The following CALD1 variants were observed in gnomAD, a reference collection of about 807,000 sequenced individuals.
CALD1 encodes caldesmon 1.
In CALD1, 33 loss-of-function variants were observed where a neutral mutation model predicts 99.9. The ratio of observed to expected loss-of-function variants is 0.33; its 90% confidence interval spans 0.25 to 0.44. The LOEUF is 0.44. CALD1 is among the 20% of genes least tolerant of loss of function. The pLI is 1.00. For missense variants in CALD1, 861 were observed against 962.1 expected, an observed-to-expected ratio of 0.89 and a Z score of 1.39; for synonymous variants, 310 against 325.0, an observed-to-expected ratio of 0.95 and a Z score of 0.50.
chr7:134,813,882 T>C (rs990845256), intron 1 of CALD1, among the ~76,000 whole-genome samples: 1 of 152,144 alleles, frequency 6.6e-6, no homozygotes, highest in African/African-American at 2.4e-5. Context: ...TCAGGGGATG[T>C]CAGCTGGTAA....
intron 3 of CALD1, among the ~76,000 whole-genome samples, chr7:134,887,614 GTA>G (rs1291724347): frequency 5.9e-5 from 9 of 151,600 alleles, no homozygotes; most frequent in East Asian, 1.9e-4. Flanking sequence ...ATGCATGCGT[GTA>G]TATGTGTGTG....
chr7:134,953,452 C>A (rs542625770), intron 9 of CALD1, among the ~76,000 whole-genome samples: 233 of 151,650 alleles, frequency 1.5e-3, no homozygotes, highest in African/African-American at 5.5e-3. Context: ...ATCCCAGCTA[C>A]TTGAGAGGCT....
At chr7:134,828,692 T>C (rs1259858732) in intron 1 of CALD1, among the ~76,000 whole-genome samples, 2 of 152,230 alleles carry the variant, frequency 1.3e-5, no homozygotes, top group African/African-American at 4.8e-5. Flanking sequence ...TCCAATGAGA[T>C]AATGCATGAT....
chr7:134,920,847 CAATT>C (rs1804565635), intron 3 of CALD1: 2 of 426,606 alleles, frequency 4.7e-6, no homozygotes, highest in Admixed American at 6.7e-5. Context: ...TGTGCAGAAA[CAATT>C]AAGGAAAACA....
intron 1 of CALD1, among the ~76,000 whole-genome samples, chr7:134,797,147 T>C (rs1266673087): frequency 6.6e-6 from 1 of 152,074 alleles, no homozygotes. Flanking sequence ...ACTTGGCTAG[T>C]TTAAAAACTT....
chr7:134,736,065 G>A, the CALD1 span, among the ~76,000 whole-genome samples: 1,615 of 152,268 alleles, frequency 0.011, 17 homozygotes, highest in Non-Finnish European at 0.017. Context: ...CACAGTTTCT[G>A]GAGCCTCATT....
chr7:134,721,438 T>C, the CALD1 span, among the ~76,000 whole-genome samples: 4 of 151,970 alleles, frequency 2.6e-5, no homozygotes, highest in African/African-American at 9.7e-5. Flanking sequence ...GTTTCAGCCT[T>C]TGTGGATTAA....
upstream of CALD1, among the ~76,000 whole-genome samples, chr7:134,742,804 T>G (rs1397337608): frequency 6.6e-6 from 1 of 152,176 alleles, no homozygotes; most frequent in African/African-American, 2.4e-5. Context: ...CACCTACCCT[T>G]CTTTTTTATA....
At chr7:134,959,911 C>A (rs1217108463) in intron 11 of CALD1, 63 bp from the exon 12 acceptor site, 8 of 1,545,564 alleles carry the variant, frequency 5.2e-6, no homozygotes, top group African/African-American at 4.1e-5. Context: ...AAGACAAACT[C>A]ACTATAATTT....
chr7:134,861,653 C>T (rs1800568321), intron 2 of CALD1, among the ~76,000 whole-genome samples: 1 of 152,192 alleles, frequency 6.6e-6, no homozygotes, highest in Non-Finnish European at 1.5e-5. Context: ...ACCCCAGTGT[C>T]GAGAACAGTA....
chr7:134,880,796 C>T (rs1052908424), intron 3 of CALD1, among the ~76,000 whole-genome samples: 10 of 152,194 alleles, frequency 6.6e-5, no homozygotes, highest in Admixed American at 2.0e-4. Context: ...GATCCTTTAA[C>T]TCTTCCTATC....
In CALD1 at chr7:134,878,272, T is replaced by G. The variant is rs145677934; in HGVS notation, c.71+10468T>G. On this transcript the variant is annotated intron_variant, in intron 3 of 14. Transcript: ENST00000361675. ...TGAGAGGGCAAGAAGTTTGTCTTTC[T>G]AAACACACAGGACAGGCTGGGCATG... is the stretch of plus-strand genomic sequence containing the variant. Among the ~76,000 whole-genome samples the G allele has an allele frequency of 2.5e-3, 375 of 152,286 alleles. 6 individuals carry two copies. The highest frequency in any genetic ancestry group is 8.4e-3 in the African/African-American group (349 of 41,552).
intron 1 of CALD1, among the ~76,000 whole-genome samples, chr7:134,771,807 C>T (rs1452251832): frequency 6.6e-6 from 1 of 152,140 alleles, no homozygotes; most frequent in Non-Finnish European, 1.5e-5. Context: ...TTCTGGAAGG[C>T]TTTTCCTTCA....
At chr7:134,912,525 C>A (rs1235400131) in intron 3 of CALD1, among the ~76,000 whole-genome samples, 1 of 152,168 alleles carries the variant, frequency 6.6e-6, no homozygotes, top group Non-Finnish European at 1.5e-5. Flanking sequence ...TTTACCTGTT[C>A]CTTTCAGCAA....
chr7:134,853,325 C>T (rs940207473), intron 2 of CALD1, among the ~76,000 whole-genome samples: 1 of 152,146 alleles, frequency 6.6e-6, no homozygotes, highest in Non-Finnish European at 1.5e-5. Context: ...GAGCAAATGT[C>T]TGGCATGTAC....
At chr7:134,950,264 C>A in intron 8 of CALD1, 110 bp from the exon 9 acceptor site, 1 of 1,032,566 alleles carries the variant, frequency 9.7e-7, no homozygotes, top group Non-Finnish European at 1.4e-6. Context: ...AGTGTCCAGC[C>A]TGCGGCCTGA....
intron 1 of CALD1, among the ~76,000 whole-genome samples, chr7:134,817,983 G>A (rs972146283): frequency 6.6e-6 from 1 of 151,968 alleles, no homozygotes; most frequent in African/African-American, 2.4e-5. Flanking sequence ...AACCTCATCT[G>A]TAATAAACCC....
At chr7:134,735,362 C>T in the CALD1 span, among the ~76,000 whole-genome samples, 1 of 152,128 alleles carries the variant, frequency 6.6e-6, no homozygotes, top group African/African-American at 2.4e-5. Flanking sequence ...CATATTAACA[C>T]ACACCATTCA....
rs551917948 is a variant in CALD1, at chr7:134,952,806, T to A, written c.1935+2292T>A. ...ATGATGGTCTAGGTCCCAGTCATAT[T>A]TCTGATACCTCCCAAATAAATTATT... On this transcript the variant is annotated intron_variant, in intron 9 of 14. Coordinates refer to ENST00000361675, the MANE Select transcript of CALD1 (RefSeq NM_033138.4). Among the ~76,000 whole-genome samples the A allele has an allele frequency of 7.1e-4, 108 of 152,312 alleles. 2 individuals are homozygous for A. The South Asian group carries it at 0.021, about 30-fold the overall frequency.
Sources: gnomAD v4.1 joint callset for allele counts (sites outside exome capture counted in the v4.1 genomes callset) on GRCh38, gnomAD v4.1.1 for gene constraint, MANE v1.5 for transcripts, NCBI Gene and HGNC (gene_info 2026-07-23, HGNC 2026-07-21) for gene names.